SGCZ: variants seen among roughly 807,000 people sequenced by gnomAD.
SGCZ encodes the protein zeta-sarcoglycan.
In SGCZ, 40 loss-of-function variants were observed where a neutral mutation model predicts 41.3. That is an observed-to-expected ratio of 0.97 (90% CI 0.75 to 1.26). The LOEUF (loss-of-function observed/expected upper bound fraction) is 1.26. SGCZ is among the 50% of genes most tolerant of loss of function. The pLI is 0.00. For synonymous variants in SGCZ, 206 were observed against 137.5 expected (o/e 1.50, Z -3.49); for missense variants, 552 against 369.8 (o/e 1.49, Z -4.04).
At chr8:15,201,206 G>A (rs12155592) in intron 1 of SGCZ, among the ~76,000 whole-genome samples, 59,024 of 151,804 alleles carry the variant, frequency 0.39, 12,554 homozygotes, top group Non-Finnish European at 0.46. Flanking sequence ...TATTAGAGAG[G>A]GAGTTTCACC....
At chr8:14,651,888 G>A (rs1309497781) in intron 1 of SGCZ, among the ~76,000 whole-genome samples, 1 of 151,794 alleles carries the variant, frequency 6.6e-6, no homozygotes, top group African/African-American at 2.4e-5. Context: ...TTGAGAGTCA[G>A]CATATTGTTC....
At chr8:14,283,382 G>C (rs1327785759) in intron 3 of SGCZ, among the ~76,000 whole-genome samples, 2 of 152,148 alleles carry the variant, frequency 1.3e-5, no homozygotes, top group African/African-American at 2.4e-5. Context: ...TCCTCTGTAA[G>C]AGAATGCAAG....
intron 2 of SGCZ, among the ~76,000 whole-genome samples, chr8:14,421,556 T>A (rs1361843134): frequency 1.3e-5 from 2 of 152,104 alleles, no homozygotes; most frequent in Non-Finnish European, 2.9e-5. Context: ...CTGCATCATA[T>A]AAGACAAGGA....
intron 1 of SGCZ, among the ~76,000 whole-genome samples, chr8:15,058,743 A>T (rs1206266957): frequency 6.6e-6 from 1 of 152,176 alleles, no homozygotes; most frequent in African/African-American, 2.4e-5. Flanking sequence ...CTTGGATCCC[A>T]TGTCTTCTTT....
At chr8:14,285,063 T>C (rs1585319384) in intron 3 of SGCZ, among the ~76,000 whole-genome samples, 1 of 152,168 alleles carries the variant, frequency 6.6e-6, no homozygotes, top group Admixed American at 6.5e-5. Flanking sequence ...ACATTGATTC[T>C]TTTAAGGGTT....
intron 5 of SGCZ, among the ~76,000 whole-genome samples, chr8:14,122,789 C>T (rs1057166474): frequency 5.9e-5 from 9 of 151,592 alleles, no homozygotes; most frequent in African/African-American, 1.9e-4. Context: ...ATTAGAAACT[C>T]AAATATACTG....
intron 4 of SGCZ, among the ~76,000 whole-genome samples, chr8:14,205,187 T>C (rs1805580216): frequency 6.6e-6 from 1 of 152,044 alleles, no homozygotes; most frequent in Admixed American, 6.6e-5. Context: ...TTTTTTTCAC[T>C]TCTTAAAGAG....
intron 2 of SGCZ, among the ~76,000 whole-genome samples, chr8:14,486,038 G>C (rs73190203): frequency 1.3e-5 from 2 of 151,918 alleles, no homozygotes; most frequent in Admixed American, 1.3e-4. Context: ...AGACGGGGTA[G>C]AACAATTTTT....
intron 4 of SGCZ, among the ~76,000 whole-genome samples, chr8:14,189,060 T>C (rs927301635): frequency 1.5e-4 from 23 of 151,660 alleles, no homozygotes; most frequent in African/African-American, 5.3e-4. Flanking sequence ...GGTTTTACTA[T>C]GTTGGCAAGG....
chr8:14,258,741 G>C (rs1252006450), intron 3 of SGCZ, among the ~76,000 whole-genome samples: 4 of 152,144 alleles, frequency 2.6e-5, no homozygotes, highest in Admixed American at 6.5e-5. Context: ...TTAAACTGCA[G>C]TTTGTATATC....
chr8:14,379,641 A>C (rs1381855468), intron 2 of SGCZ, among the ~76,000 whole-genome samples: 3 of 152,172 alleles, frequency 2.0e-5, no homozygotes, highest in Non-Finnish European at 2.9e-5. Flanking sequence ...ATAAATAAGC[A>C]TGTAATAATA....
chr8:14,474,485 C>T (rs900386402), intron 2 of SGCZ, among the ~76,000 whole-genome samples: 3 of 152,154 alleles, frequency 2.0e-5, no homozygotes, highest in African/African-American at 7.2e-5. Flanking sequence ...ATCAGATGCA[C>T]ATTTTGCAGC....
intron 2 of SGCZ, among the ~76,000 whole-genome samples, chr8:14,543,330 A>T (rs1803527124): frequency 6.6e-6 from 1 of 151,996 alleles, no homozygotes. Context: ...AACTTTCAAA[A>T]TTGTGATGTA....
chr8:14,732,329 T>C (rs986135160), intron 1 of SGCZ, among the ~76,000 whole-genome samples: 2 of 152,176 alleles, frequency 1.3e-5, no homozygotes, highest in South Asian at 4.1e-4. Flanking sequence ...GGGTGTGGAC[T>C]CTCTGACCCC....
At chr8:15,078,466 C>T in intron 1 of SGCZ, among the ~76,000 whole-genome samples, 1 of 151,882 alleles carries the variant, frequency 6.6e-6, no homozygotes, top group South Asian at 2.1e-4. Flanking sequence ...TTTGACTGGT[C>T]TTCTATTTGC....
At chr8:14,177,870 C>T (rs563741358) in intron 4 of SGCZ, among the ~76,000 whole-genome samples, 1 of 151,058 alleles carries the variant, frequency 6.6e-6, no homozygotes, top group African/African-American at 2.4e-5. Context: ...TTTTAAACTA[C>T]TGGTCTTGAG....
At chr8:14,348,210 C>A (rs1205945548) in intron 2 of SGCZ, among the ~76,000 whole-genome samples, 1 of 152,094 alleles carries the variant, frequency 6.6e-6, no homozygotes, top group Non-Finnish European at 1.5e-5. Context: ...CTTTATCCTG[C>A]ACCACTCCTG....
At chr8:14,562,213 C>G (rs998817189) in intron 1 of SGCZ, among the ~76,000 whole-genome samples, 2 of 152,052 alleles carry the variant, frequency 1.3e-5, no homozygotes, top group African/African-American at 4.8e-5. Context: ...TAGCTGGAAT[C>G]ATTACTTCAG....
chr8:15,043,663 A>T (rs561915567), intron 1 of SGCZ, among the ~76,000 whole-genome samples: 143 of 150,506 alleles, frequency 9.5e-4, no homozygotes, highest in African/African-American at 3.4e-3. Flanking sequence ...AAAAATTGTT[A>T]AAAAAGTAAT....
Sources: allele counts gnomAD v4.1 joint callset (sites outside exome capture counted in the v4.1 genomes callset), GRCh38; gene constraint gnomAD v4.1.1; transcripts MANE v1.5; gene names NCBI Gene and HGNC (gene_info 2026-07-23, HGNC 2026-07-21).